NTRK3: variants seen among roughly 807,000 people sequenced by gnomAD.
The protein encoded by NTRK3 is neurotrophic receptor tyrosine kinase 3, also known as NT-3 growth factor receptor.
A neutral mutation model predicts 91.7 loss-of-function variants in NTRK3; 24 were observed. The observed-to-expected ratio is 0.26, with a 90% CI of 0.19 to 0.37. The LOEUF (loss-of-function observed/expected upper bound fraction) is 0.37. Ranked by LOEUF, NTRK3 falls within the 10% of genes least tolerant of loss-of-function variation. The pLI, the probability that NTRK3 is intolerant of heterozygous loss-of-function variation, is 1.00. For synonymous variants in NTRK3, 483 were observed against 404.0 expected (o/e 1.20, Z -2.34); for missense variants, 880 against 1,068.9 (o/e 0.82, Z 2.46).
At chr15:88,007,505 C>A (rs762131188) in intron 14 of NTRK3, among the ~76,000 whole-genome samples, 3 of 152,168 alleles carry the variant, frequency 2.0e-5, no homozygotes, top group Admixed American at 2.0e-4. Context: ...ACTAGAAAAA[C>A]GATCTGAAAT....
At chr15:87,948,205 G>A (rs2070760280) in intron 14 of NTRK3, among the ~76,000 whole-genome samples, 1 of 152,334 alleles carries the variant, frequency 6.6e-6, no homozygotes, top group East Asian at 1.9e-4. Flanking sequence ...CTGGACAGAA[G>A]AGTAGAGCAT....
intron 17 of NTRK3, 99 bp downstream of exon 17, chr15:87,929,092 G>A (rs2141905784): frequency 6.3e-7 from 1 of 1,576,516 alleles, no homozygotes; most frequent in Non-Finnish European, 8.7e-7. Context: ...GTGTGTATAT[G>A]TGTGTGCCAG....
At chr15:88,223,393 C>T (rs553725517) in intron 3 of NTRK3, among the ~76,000 whole-genome samples, 10 of 152,334 alleles carry the variant, frequency 6.6e-5, no homozygotes, top group African/African-American at 1.4e-4. Flanking sequence ...TCTGCCCACA[C>T]GCTCAGAGGC....
At chr15:88,083,057 C>T (rs1196978136) in intron 13 of NTRK3, among the ~76,000 whole-genome samples, 1 of 152,120 alleles carries the variant, frequency 6.6e-6, no homozygotes, top group Non-Finnish European at 1.5e-5. Flanking sequence ...ACCAATCATC[C>T]CTTTGGTGTC....
exon 19 of NTRK3, chr15:87,867,090 G>A (rs1236344527): frequency 4.4e-6 from 1 of 225,208 alleles, no homozygotes; most frequent in Non-Finnish European, 8.9e-6. Context: ...ACTTCAAAAA[G>A]ACAGACTGAG....
chr15:88,107,529 G>T (rs971503790), intron 13 of NTRK3, among the ~76,000 whole-genome samples: 2 of 152,128 alleles, frequency 1.3e-5, no homozygotes, highest in African/African-American at 4.8e-5. Flanking sequence ...TGGTCTAGAA[G>T]AACTGAAGAG....
intron 14 of NTRK3, among the ~76,000 whole-genome samples, chr15:88,019,764 A>AAAAAGTAGAGCTAG (rs2141870969): frequency 6.6e-6 from 1 of 152,350 alleles, no homozygotes; most frequent in South Asian, 2.1e-4. Flanking sequence ...GGAGAATCAC[A>AAAAAGTAGAGCTAG]AAAAGTAGAG....
intron 14 of NTRK3, among the ~76,000 whole-genome samples, chr15:87,951,670 C>G (rs1452392852): frequency 6.6e-6 from 1 of 152,178 alleles, no homozygotes; most frequent in Non-Finnish European, 1.5e-5. Context: ...GGAGGCCTTT[C>G]TGTGGAAAAG....
At chr15:87,983,897 A>G (rs1340256254) in intron 14 of NTRK3, among the ~76,000 whole-genome samples, 1 of 152,102 alleles carries the variant, frequency 6.6e-6, no homozygotes, top group Non-Finnish European at 1.5e-5. Context: ...GGTAAGCAGC[A>G]CCATACCCTG....
intron 17 of NTRK3, among the ~76,000 whole-genome samples, chr15:87,917,932 GT>G (rs947467666): frequency 6.6e-6 from 1 of 151,844 alleles, no homozygotes; most frequent in African/African-American, 2.4e-5. Flanking sequence ...AGCCACAAGT[GT>G]TTTTTATAGC....
At chr15:87,988,068 A>G (rs959789134) in intron 14 of NTRK3, among the ~76,000 whole-genome samples, 2 of 152,300 alleles carry the variant, frequency 1.3e-5, no homozygotes, top group Non-Finnish European at 2.9e-5. Flanking sequence ...GGGAGAATGT[A>G]GTTTTGCAGT....
chr15:88,079,354 A>G (rs2150622285), intron 13 of NTRK3, among the ~76,000 whole-genome samples: 1 of 152,346 alleles, frequency 6.6e-6, no homozygotes, highest in Non-Finnish European at 1.5e-5. Flanking sequence ...CGCACCTGCC[A>G]TCAGTCACAG....
chr15:87,878,459 C>G (rs1007330293), intron 18 of NTRK3, among the ~76,000 whole-genome samples: 4 of 152,174 alleles, frequency 2.6e-5, no homozygotes, highest in Non-Finnish European at 5.9e-5. Context: ...TCTTTACCAG[C>G]CTGATAAGTC....
intron 13 of NTRK3, among the ~76,000 whole-genome samples, chr15:88,035,900 A>C (rs942025650): frequency 9.9e-5 from 15 of 152,202 alleles, no homozygotes; most frequent in Admixed American, 3.3e-4. Context: ...CGATCGTCAA[A>C]ATTTTAAAGT....
exon 19 of NTRK3, chr15:87,863,478 C>A: frequency 4.6e-6 from 1 of 218,652 alleles, no homozygotes; most frequent in Admixed American, 5.8e-5. Context: ...ACTCTTTCAG[C>A]AAAGGCTGAT....
chr15:88,193,077 C>T (rs966090629), intron 3 of NTRK3, among the ~76,000 whole-genome samples: 1 of 152,204 alleles, frequency 6.6e-6, no homozygotes, highest in Non-Finnish European at 1.5e-5. Context: ...AATTGGGGCA[C>T]CACCCCTGAG....
intron 5 of NTRK3, among the ~76,000 whole-genome samples, chr15:88,180,884 A>G (rs1430669868): frequency 6.6e-6 from 1 of 152,196 alleles, no homozygotes; most frequent in Non-Finnish European, 1.5e-5. Context: ...AATTTACTCA[A>G]TTGGGAATTT....
chr15:88,058,040 C>T lies in NTRK3; in HGVS notation c.1397-24995G>A, dbSNP rs189794084. Reference sequence around the variant, plus strand: ...CCAGAAGCCACGGGGTGACAAAGCTCGCTCTCTCTGGGTGAGATCTCACTG... The same window carrying T: ...CCAGAAGCCACGGGGTGACAAAGCTTGCTCTCTCTGGGTGAGATCTCACTG... On this transcript the variant is annotated intron_variant, in intron 13 of 18. Coordinates refer to ENST00000394480, the Ensembl canonical transcript of NTRK3. Among the ~76,000 whole-genome samples, 154 of 152,298 alleles carry T rather than the reference C, an allele frequency of 1.0e-3. 2 individuals are homozygous for T. Among genetic ancestry groups the T allele is most frequent in the African/African-American group, 3.2e-3 (135 of 41,572 alleles).
At chr15:88,054,782 A>G (rs1362550392) in intron 13 of NTRK3, among the ~76,000 whole-genome samples, 1 of 152,158 alleles carries the variant, frequency 6.6e-6, no homozygotes, top group Admixed American at 6.5e-5. Context: ...TAACAATAAT[A>G]ATAATAGCAG....
Sources: gnomAD v4.1 joint callset for allele counts (sites outside exome capture counted in the v4.1 genomes callset) on GRCh38, gnomAD v4.1.1 for gene constraint, MANE v1.5 for transcripts, NCBI Gene and HGNC (gene_info 2026-07-23, HGNC 2026-07-21) for gene names.